Variants in OVGP1 observed in about 807,000 individuals in gnomAD.
The protein encoded by OVGP1 is oviductal glycoprotein 1.
Under a neutral mutation model 48.2 loss-of-function variants are expected in OVGP1, and 26 were observed. That is an observed-to-expected ratio of 0.54 (90% confidence interval 0.40 to 0.75). OVGP1 has a LOEUF of 0.75. OVGP1 is among the 30% of genes least tolerant of loss of function. OVGP1 has a pLI of 0.00. For missense variants in OVGP1, 791 were observed against 820.6 expected, an observed-to-expected ratio of 0.96 and a Z score of 0.44; for synonymous variants, 294 against 305.7, an observed-to-expected ratio of 0.96 and a Z score of 0.40.
chr1:111,423,353 A>T (rs1652320310), intron 5 of OVGP1, among the ~76,000 whole-genome samples, 190 bp downstream of exon 5: 1 of 152,208 alleles, frequency 6.6e-6, no homozygotes. Context: ...GACTGGAGCA[A>T]GCCCCAGGTG....
At chr1:111,426,388 A>G in intron 3 of OVGP1, 49 bp downstream of exon 3, 1 of 1,612,496 alleles carries the variant, frequency 6.2e-7, no homozygotes, top group Non-Finnish European at 8.5e-7. Flanking sequence ...CTGTTATCTT[A>G]TACCTGTGAA....
rs2101727350 is a variant in OVGP1, at chr1:111,423,029, T to G, written c.506A>C (p.Lys169Thr). ...CGGGCGCATGGTGAGCAGTGCCTCC[T>G]TCCGGAAGGCAAACAGGAGCTCCTA... The part of the protein sequence containing the change: ...LIEELLFAFR[K>T]EALLTMRPRL... The change falls in exon 6 of 11, where the codon AAG becomes ACG. Residue 169 changes from lysine to threonine, a missense_variant. Coordinates refer to ENST00000369732, the MANE Select transcript of OVGP1 (RefSeq NM_002557.4). The G allele has an allele frequency of 6.2e-7, 1 of 1,614,072 alleles. No individual in the cohort carries two copies. The highest frequency in any genetic ancestry group is 1.1e-5 in the South Asian group (1 of 91,068).
chr1:111,424,250 C>T (rs574345609), intron 4 of OVGP1, among the ~76,000 whole-genome samples: 109 of 152,308 alleles, frequency 7.2e-4, no homozygotes, highest in African/African-American at 2.5e-3. Flanking sequence ...GTTCTGATAA[C>T]GGGATCCTGA....
chr1:111,422,943 C>T lies in OVGP1; in HGVS notation c.592G>A (p.Val198Met). ...TCCACTCACCTTCCTAGAAAGCGCA[C>T]ATCATAGGATGTTTGGACGATGTGT... ...VPHIVQTSYDVRFLGRLLDFI... is the reference protein window; with the variant it reads ...VPHIVQTSYDMRFLGRLLDFI... Residue 198 changes from valine (V) to methionine (M), a missense_variant, in exon 6 of 11, where the codon GTG (valine) becomes ATG (methionine). Transcript: ENST00000369732. The T allele has an allele frequency of 6.2e-7, 1 of 1,614,130 alleles. No homozygotes were observed. Among genetic ancestry groups the T allele is most frequent in the South Asian group, 1.1e-5 (1 of 91,084 alleles).
At chr1:111,424,874 C>T (rs986212401) in intron 4 of OVGP1, among the ~76,000 whole-genome samples, 6 of 152,254 alleles carry the variant, frequency 3.9e-5, no homozygotes, top group African/African-American at 1.4e-4. Flanking sequence ...TTTGTAATCT[C>T]CACGTTGTCT....
chr1:111,421,228 G>C (rs763275063), intron 8 of OVGP1, 48 bp downstream of exon 8: 4 of 1,523,414 alleles, frequency 2.6e-6, no homozygotes, highest in South Asian at 1.3e-5. Context: ...GCTCCAGCTG[G>C]GGGTGGGAGA....
At chr1:111,416,273 T>C (rs748177854) in intron 10 of OVGP1, 50 bp downstream of exon 10, 5 of 1,510,160 alleles carry the variant, frequency 3.3e-6, no homozygotes, top group Non-Finnish European at 4.5e-6. Flanking sequence ...CCTTACCCAG[T>C]GCTTGGTTAT....
In OVGP1 at chr1:111,427,712, G is replaced by C. The variant is rs977899094; in HGVS notation, c.10C>G (p.Leu4Val). 6.8e-6 allele frequency: 11 copies of C among 1,612,808 alleles called. No individual in the cohort carries two copies. The highest frequency in any genetic ancestry group is 1.3e-5 in the African/African-American group (1 of 74,836). The change falls in exon 1 of 11, where the codon CTG becomes GTG. Residue 4 changes from leucine (L) to valine (V), a missense_variant. By Grantham distance (32) the Leu-to-Val change is conservative (BLOSUM62 1). Coordinates refer to ENST00000369732, the MANE Select transcript of OVGP1 (RefSeq NM_002557.4). ...CCACACTCACCAACCCACAGCAACA[G>C]CTTCCACATCTCAATGGTCTGATAG... The part of the protein sequence containing the change: MWK[L>V]LLWVGLVLVL...
chr1:111,415,085 C>G lies in OVGP1; in HGVS notation c.1416G>C (p.Glu472Asp). The G allele has an allele frequency of 6.2e-7, 1 of 1,614,184 alleles. No individual in the cohort carries two copies. The highest frequency in any genetic ancestry group is 8.5e-7 in the Non-Finnish European group (1 of 1,179,998). The stretch of plus-strand genomic sequence containing the variant: ...AAGTCATGGTCATTGCCCCAGTGAT[C>G]TCAGTCTTCTCTCCTAGAGCTACAG... ...KHTVALGEKT[E>D]ITGAMTMTSV... The change falls in exon 11 of 11, where the codon GAG (glutamate) becomes GAC (aspartate). Residue 472 changes from glutamate (E) to aspartate (D), a missense_variant. Physicochemically the swap from Glu to Asp is conservative, Grantham distance 45. Transcript: ENST00000369732.
intron 8 of OVGP1, 66 bp from the exon 9 acceptor site, chr1:111,419,792 T>A (rs1652217564): frequency 1.1e-6 from 1 of 935,802 alleles, no homozygotes; most frequent in East Asian, 2.4e-5. Context: ...GAGACAGTTG[T>A]TCCTTGCCCA....
chr1:111,419,886 G>A (rs186119696), intron 8 of OVGP1, among the ~76,000 whole-genome samples, 160 bp from the exon 9 acceptor site: 2 of 152,250 alleles, frequency 1.3e-5, no homozygotes, highest in Admixed American at 1.3e-4. Flanking sequence ...TCACAAATGA[G>A]TTCCTCTCTA....
At chr1:111,423,829 G>T in intron 4 of OVGP1, 121 bp from the exon 5 acceptor site, 2 of 937,440 alleles carry the variant, frequency 2.1e-6, no homozygotes, top group Non-Finnish European at 3.3e-6. Context: ...AGGAAAGGAA[G>T]GCAGATTTCC....
At chr1:111,424,111 C>T (rs1190445089) in intron 4 of OVGP1, among the ~76,000 whole-genome samples, 1 of 152,200 alleles carries the variant, frequency 6.6e-6, no homozygotes, top group African/African-American at 2.4e-5. Context: ...TTCCCACAAC[C>T]TGTCCTAGCA....
intron 4 of OVGP1, among the ~76,000 whole-genome samples, chr1:111,424,588 A>G (rs184722764): frequency 2.6e-4 from 40 of 152,344 alleles, no homozygotes; most frequent in Admixed American, 2.4e-3. Context: ...GCAAGTGTTC[A>G]CGGGATAATG....
chr1:111,421,688 A>C lies in OVGP1; in HGVS notation c.609-15T>G. On this transcript the variant is annotated splice_polypyrimidine_tract_variant and intron_variant, in intron 6 of 10. Transcript: ENST00000369732. ...AATCCAGGAGTCTGTAAGGGGCAGG[A>C]GGAAGAGATATAAAGACTGGGCTAG... The C allele has an allele frequency of 6.7e-7, 1 of 1,490,524 alleles. No homozygotes were observed. The highest frequency in any genetic ancestry group is 9.4e-7 in the Non-Finnish European group (1 of 1,067,534). The allele number at this position is 1,490,524 out of a possible 1,614,324, so 92.3% of individuals were successfully genotyped here. A position where few individuals can be genotyped will look rare whatever the true frequency, so the allele number is the denominator to read the frequency against.
In OVGP1 at chr1:111,427,681, G is replaced by T. The variant is rs767947463; in HGVS notation, c.25+16C>A. ...TTCCTGGACTGAGTGACACTGCTGG[G>T]ACCTGCCACACTCACCAACCCACAG... On this transcript the variant is annotated intron_variant, in intron 1 of 10. Coordinates refer to ENST00000369732, the MANE Select transcript of OVGP1 (RefSeq NM_002557.4). 8 of 1,612,576 alleles carry T rather than the reference G, an allele frequency of 5.0e-6. No individual in the cohort carries two copies. The South Asian group carries it at 5.5e-5, about 11-fold the overall frequency.
In OVGP1 at chr1:111,414,504, T is replaced by G. The variant is rs770188084; in HGVS notation, c.1997A>C (p.Lys666Thr). The G allele has an allele frequency of 6.2e-7, 1 of 1,613,656 alleles. No homozygotes were observed. The highest frequency in any genetic ancestry group is 8.5e-7 in the Non-Finnish European group (1 of 1,179,746). Residue 666 changes from lysine (K) to threonine (T), a missense_variant, in exon 11 of 11, where the codon AAA becomes ACA. Coordinates refer to ENST00000369732, the MANE Select transcript of OVGP1 (RefSeq NM_002557.4). The stretch of plus-strand genomic sequence containing the variant: ...CACAGCAGAGTTTTCTGGGATTTCT[T>G]TTTTTAGAGAAAGAGGACTTGTTTG... Reference protein sequence around the residue: ...TPQTSPLSLKKEIPENSAVDE... With the variant: ...TPQTSPLSLKTEIPENSAVDE...
intron 5 of OVGP1, 65 bp downstream of exon 5, chr1:111,423,478 C>T (rs1652324362): frequency 6.5e-7 from 1 of 1,534,516 alleles, no homozygotes; most frequent in African/African-American, 1.4e-5. Context: ...TCTTCTCCTG[C>T]CATAAGCCTA....
chr1:111,424,223 T>G (rs1026310941), intron 4 of OVGP1, among the ~76,000 whole-genome samples: 1 of 152,228 alleles, frequency 6.6e-6, no homozygotes, highest in Admixed American at 6.5e-5. Flanking sequence ...CTGTATAACT[T>G]GGCACAAGAG....
Sources: allele counts gnomAD v4.1 joint callset (sites outside exome capture counted in the v4.1 genomes callset), GRCh38; gene constraint gnomAD v4.1.1; transcripts MANE v1.5; gene names NCBI Gene and HGNC (gene_info 2026-07-23, HGNC 2026-07-21).